The following GPHN variants were observed in gnomAD, a reference collection of about 807,000 sequenced individuals.
GPHN encodes gephyrin.
GPHN carries 17 observed loss-of-function variants against 95.5 expected under a neutral mutation model. The observed-to-expected ratio is 0.18, with a 90% CI of 0.12 to 0.27. The LOEUF (loss-of-function observed/expected upper bound fraction) is 0.27, where lower values mean the gene tolerates loss of function less well. GPHN is among the 10% of genes least tolerant of loss of function. The probability of loss-of-function intolerance (pLI) is 1.00; values close to 1 mark genes in which losing one functional copy is unlikely to be tolerated. For missense variants in GPHN, 660 were observed against 978.1 expected, an observed-to-expected ratio of 0.67 and a Z score of 4.34; for synonymous variants, 320 against 322.5, an observed-to-expected ratio of 0.99 and a Z score of 0.08.
At chr14:67,555,806 T>A in the GPHN span, 1 of 1,612,578 alleles carries the variant, frequency 6.2e-7, no homozygotes, top group Non-Finnish European at 8.5e-7. Context: ...ACATCTCCCC[T>A]TTCTCTCTGG....
At position 66,681,983 on chromosome 14, in the gene GPHN, C is replaced by T. The variant is rs72726486; in HGVS notation, c.143+798C>T. On this transcript the variant is annotated intron_variant, in intron 2 of 22. Transcript: ENST00000478722. ...CTAATAGGAAATTCATCTCCCAGAT[C>T]ACATGTAATATACCCTCCCACGGGA... Among the ~76,000 whole-genome samples, 740 of 152,294 alleles carry T rather than the reference C, an allele frequency of 4.9e-3. 2 individuals are homozygous for T. Among genetic ancestry groups the T allele is most frequent in the Non-Finnish European group, 7.6e-3 (520 of 68,012 alleles).
chr14:66,597,514 G>C (rs1049924623), intron 1 of GPHN, among the ~76,000 whole-genome samples: 1 of 152,112 alleles, frequency 6.6e-6, no homozygotes, highest in South Asian at 2.1e-4. Flanking sequence ...TGGCCACAAC[G>C]TTGCTCCAAA....
chr14:67,638,694 C>T, the GPHN span, among the ~76,000 whole-genome samples: 1 of 152,194 alleles, frequency 6.6e-6, no homozygotes. Context: ...AGGTAGGCCA[C>T]TCAGGCAGGG....
the GPHN span, chr14:67,227,382 C>A: frequency 6.7e-6 from 1 of 148,970 alleles, no homozygotes; most frequent in South Asian, 2.1e-4. Context: ...GGAGGTTGCA[C>A]TGAGCCGAGA....
intron 17 of GPHN, among the ~76,000 whole-genome samples, chr14:67,126,526 T>C (rs1245497882): frequency 6.6e-6 from 1 of 152,154 alleles, no homozygotes; most frequent in Non-Finnish European, 1.5e-5. Context: ...ACAAATAGTG[T>C]CTAGAGAATT....
the GPHN span, among the ~76,000 whole-genome samples, chr14:67,215,065 G>C: frequency 0.011 from 1,606 of 152,200 alleles, 29 homozygotes; most frequent in African/African-American, 0.036. Flanking sequence ...GGAGATTCTG[G>C]GCTGAGACAA....
chr14:66,550,758 A>G (rs2059779617), intron 1 of GPHN, among the ~76,000 whole-genome samples: 1 of 152,214 alleles, frequency 6.6e-6, no homozygotes, highest in South Asian at 2.1e-4. Context: ...GTCAGCAGCT[A>G]TATACATTGA....
intron 9 of GPHN, among the ~76,000 whole-genome samples, chr14:67,005,675 A>G (rs952808307): frequency 6.6e-6 from 1 of 151,952 alleles, no homozygotes; most frequent in African/African-American, 2.4e-5. Context: ...ATAAGCGTCA[A>G]TGCATTGGTT....
At chr14:67,710,823 A>G in the GPHN span, among the ~76,000 whole-genome samples, 1 of 151,994 alleles carries the variant, frequency 6.6e-6, no homozygotes, top group Non-Finnish European at 1.5e-5. Flanking sequence ...ATAACTTTAG[A>G]TTCTAAATTA....
At chr14:67,371,823 GT>G in the GPHN span, among the ~76,000 whole-genome samples, 1 of 152,152 alleles carries the variant, frequency 6.6e-6, no homozygotes, top group Non-Finnish European at 1.5e-5. Flanking sequence ...ACAAAGACAT[GT>G]TTTTGTAAAA....
At chr14:67,056,861 C>G (rs941518764) in intron 10 of GPHN, among the ~76,000 whole-genome samples, 12 of 152,290 alleles carry the variant, frequency 7.9e-5, no homozygotes, top group South Asian at 2.1e-4. Context: ...AGCCCTGCCC[C>G]GCAAGGAGGC....
At chr14:67,456,982 A>T in the GPHN span, among the ~76,000 whole-genome samples, 3 of 152,242 alleles carry the variant, frequency 2.0e-5, no homozygotes, top group Non-Finnish European at 4.4e-5. Flanking sequence ...TTTGAGCAAC[A>T]TGGATGAAGC....
the GPHN span, chr14:67,374,689 C>A: frequency 4.0e-6 from 2 of 500,806 alleles, no homozygotes; most frequent in Admixed American, 4.0e-5. Flanking sequence ...GTTTTGAAGC[C>A]GTTTTAGGTT....
chr14:67,486,800 A>G, the GPHN span, among the ~76,000 whole-genome samples: 1 of 152,208 alleles, frequency 6.6e-6, no homozygotes, highest in South Asian at 2.1e-4. Flanking sequence ...TGGATTTTAG[A>G]GGCCATGTGG....
At chr14:67,551,845 C>A in the GPHN span, among the ~76,000 whole-genome samples, 1 of 151,946 alleles carries the variant, frequency 6.6e-6, no homozygotes, top group Non-Finnish European at 1.5e-5. Context: ...TTGGCCACTC[C>A]AGCCTGGGCG....
the GPHN span, among the ~76,000 whole-genome samples, chr14:67,190,100 G>C: frequency 2.2e-5 from 3 of 137,098 alleles, no homozygotes; most frequent in African/African-American, 8.2e-5. Context: ...TATTTTTGTA[G>C]AGACAGGGTT....
intron 12 of GPHN, among the ~76,000 whole-genome samples, chr14:67,089,756 C>CAT (rs1396129791): frequency 6.6e-6 from 1 of 152,158 alleles, no homozygotes; most frequent in Non-Finnish European, 1.5e-5. Context: ...CTCTAGAAGA[C>CAT]ATCATATTTC....
At chr14:67,721,722 A>G in the GPHN span, among the ~76,000 whole-genome samples, 1 of 128,074 alleles carries the variant, frequency 7.8e-6, no homozygotes, top group Non-Finnish European at 1.6e-5. Flanking sequence ...ATAATTGAAC[A>G]CTTAGAACAA....
At chr14:66,665,903 A>G (rs199711150) in intron 1 of GPHN, among the ~76,000 whole-genome samples, 1 of 152,198 alleles carries the variant, frequency 6.6e-6, no homozygotes, top group Admixed American at 6.5e-5. Flanking sequence ...CATGTACATC[A>G]TGGAATACTA....
Sources: gnomAD v4.1 joint callset for allele counts (sites outside exome capture counted in the v4.1 genomes callset) on GRCh38, gnomAD v4.1.1 for gene constraint, MANE v1.5 for transcripts, NCBI Gene and HGNC (gene_info 2026-07-23, HGNC 2026-07-21) for gene names.